The following CAMTA1 variants were observed in gnomAD, a reference collection of about 807,000 sequenced individuals.
CAMTA1 encodes calmodulin-binding transcription activator 1.
A neutral mutation model predicts 170.9 loss-of-function variants in CAMTA1; 27 were observed. That is an observed-to-expected ratio of 0.16 (90% CI 0.12 to 0.22). CAMTA1 has a LOEUF of 0.22. CAMTA1 is among the 10% of genes least tolerant of loss of function. CAMTA1 has a pLI of 1.00. For missense variants in CAMTA1, 1,619 were observed against 2,217.2 expected (o/e 0.73, Z 5.42); for synonymous variants, 833 against 891.5 (o/e 0.93, Z 1.17).
chr1:7,415,358 G>T (rs1211994497), intron 5 of CAMTA1, among the ~76,000 whole-genome samples: 1 of 151,526 alleles, frequency 6.6e-6, no homozygotes, highest in Non-Finnish European at 1.5e-5. Context: ...TGACAGTGGG[G>T]TGTTAAATTC....
At chr1:7,441,813 C>G (rs2092547303) in intron 5 of CAMTA1, among the ~76,000 whole-genome samples, 1 of 152,180 alleles carries the variant, frequency 6.6e-6, no homozygotes, top group African/African-American at 2.4e-5. Flanking sequence ...CAAATCCCAT[C>G]CCCATCCCGA....
At chr1:7,548,195 G>A (rs970339225) in intron 6 of CAMTA1, among the ~76,000 whole-genome samples, 29 of 152,222 alleles carry the variant, frequency 1.9e-4, no homozygotes, top group African/African-American at 6.3e-4. Context: ...GGGTACTGAG[G>A]AAGCACAGTT....
At chr1:7,276,304 T>TATATAA (rs1553299266) in intron 5 of CAMTA1, among the ~76,000 whole-genome samples, 1 of 14,954 alleles carries the variant, frequency 6.7e-5, no homozygotes, top group African/African-American at 3.3e-4. Context: ...TATATATATA[T>TATATAA]TTTTTTTTTT....
intron 7 of CAMTA1, among the ~76,000 whole-genome samples, chr1:7,655,247 C>CA (rs2095885114): frequency 6.7e-6 from 1 of 148,224 alleles, no homozygotes; most frequent in African/African-American, 2.5e-5. Context: ...TATACACACA[C>CA]ACCTATACAC....
chr1:7,556,089 A>G lies in CAMTA1; in HGVS notation c.511-84311A>G, dbSNP rs186659953. On this transcript the variant is annotated intron_variant, in intron 6 of 22. Transcript: ENST00000303635. The stretch of plus-strand genomic sequence containing the variant: ...CGGGGGCAATGTGGGCAGAGCCTCT[A>G]TTGTGGTTTTTGCAGGAAGGAACAA... Among the ~76,000 whole-genome samples, 89 of 152,268 alleles carry G rather than the reference A, an allele frequency of 5.8e-4. 1 individual carries two copies. The highest frequency in any genetic ancestry group is 9.6e-4 in the Non-Finnish European group (65 of 68,014).
chr1:7,175,621 G>C (rs995768076), intron 4 of CAMTA1, among the ~76,000 whole-genome samples: 1 of 152,264 alleles, frequency 6.6e-6, no homozygotes, highest in Admixed American at 6.5e-5. Context: ...CAACTGCACT[G>C]TTAAACCCCA....
rs898565065 is a variant in CAMTA1 at position 7,403,285 on chromosome 1, C to G, written c.439-64545C>G. On this transcript the variant is annotated intron_variant, in intron 5 of 22. Transcript: ENST00000303635. The stretch of plus-strand genomic sequence containing the variant: ...AGGAGAATCGCTTGAACCCAGGAGG[C>G]GGAGGTTGAACCAGGATCGTACCAC... 2.0e-5 allele frequency among the ~76,000 whole-genome samples: 3 copies of G among 152,112 alleles called. No individual in the cohort carries two copies. In the East Asian group the frequency reaches 5.8e-4, roughly 29 times the overall value.
intron 6 of CAMTA1, among the ~76,000 whole-genome samples, chr1:7,499,621 AGT>A (rs2093939304): frequency 1.0e-5 from 1 of 98,794 alleles, no homozygotes; most frequent in African/African-American, 4.6e-5. Context: ...TGTGTGCATG[AGT>A]GAGTGTGAGC....
At chr1:6,984,213 T>A in intron 3 of CAMTA1, among the ~76,000 whole-genome samples, 1 of 123,824 alleles carries the variant, frequency 8.1e-6, no homozygotes, top group Non-Finnish European at 1.7e-5. Context: ...GGTTGATGGG[T>A]GGGTGGAAGG....
intron 5 of CAMTA1, among the ~76,000 whole-genome samples, chr1:7,395,074 G>C (rs1299446919): frequency 2.0e-5 from 3 of 152,022 alleles, no homozygotes; most frequent in Admixed American, 6.6e-5. Context: ...GTAGAGAAGG[G>C]GTTTCACCAT....
In CAMTA1 at chr1:7,234,131, C is replaced by G. The variant is rs1197444366; in HGVS notation, c.303-15360C>G. The stretch of plus-strand genomic sequence containing the variant: ...TCTTACAGTAAAATCCACCCTGGTT[C>G]AGGAGCCCAGATTACTTGGGGTGAG... On this transcript the variant is annotated intron_variant, in intron 4 of 22. Transcript: ENST00000303635. The surrounding 1 kb of genome is among the most constrained non-coding windows in gnomAD (Gnocchi z 5.0). Among the ~76,000 whole-genome samples the G allele has an allele frequency of 6.6e-6, 1 of 152,174 alleles. No homozygotes were observed. The highest frequency in any genetic ancestry group is 1.5e-5 in the Non-Finnish European group (1 of 68,030).
intron 3 of CAMTA1, among the ~76,000 whole-genome samples, chr1:7,015,471 C>G (rs995291503): frequency 6.6e-6 from 1 of 152,184 alleles, no homozygotes; most frequent in Non-Finnish European, 1.5e-5. Context: ...GCCTGCCCAG[C>G]CTGCCTCTCC....
At chr1:6,807,640 A>C (rs1306109378) in intron 1 of CAMTA1, among the ~76,000 whole-genome samples, 1 of 151,858 alleles carries the variant, frequency 6.6e-6, no homozygotes. Context: ...GAATCGCTTG[A>C]ATCCAGGAGG....
chr1:7,280,693 T>C (rs941877553), intron 5 of CAMTA1, among the ~76,000 whole-genome samples: 1 of 152,224 alleles, frequency 6.6e-6, no homozygotes, highest in Non-Finnish European at 1.5e-5. Context: ...CCGCCAGTGG[T>C]GGGATTGTAA....
chr1:7,484,826 G>A (rs536531831), intron 6 of CAMTA1, among the ~76,000 whole-genome samples: 93 of 152,110 alleles, frequency 6.1e-4, no homozygotes, highest in African/African-American at 1.5e-3. Flanking sequence ...CATGACCGTT[G>A]TGTTGTTACA....
intron 3 of CAMTA1, among the ~76,000 whole-genome samples, chr1:7,016,986 CT>C (rs753326642): frequency 6.6e-6 from 1 of 152,214 alleles, no homozygotes; most frequent in Non-Finnish European, 1.5e-5. Context: ...CTTTCTGTCT[CT>C]TTTTCTGGTA....
intron 6 of CAMTA1, among the ~76,000 whole-genome samples, chr1:7,578,899 T>A (rs2095229714): frequency 6.6e-6 from 1 of 152,172 alleles, no homozygotes; most frequent in South Asian, 2.1e-4. Context: ...GGAATTAAAT[T>A]TCTAACACAT....
Position 6,887,128 on chromosome 1 carries a change from T to C in CAMTA1, c.234+61918T>C, listed in dbSNP as rs555456608. On this transcript the variant is annotated intron_variant, in intron 3 of 22. Coordinates refer to ENST00000303635, the MANE Select transcript of CAMTA1 (RefSeq NM_015215.4). This position sits in a 1 kb window ranked among gnomAD's most constrained non-coding sequence, Gnocchi z 4.1. ...TGTTGTATCAATATGTACTTAGATA[T>C]GTTAATCTGAATTAGGGAGTTGATT... 1.3e-5 allele frequency among the ~76,000 whole-genome samples: 2 copies of C among 152,300 alleles called. No individual in the cohort carries two copies. Among genetic ancestry groups the C allele is most frequent in the African/African-American group, 2.4e-5 (1 of 41,574 alleles).
chr1:7,654,810 C>T (rs111214178), intron 7 of CAMTA1, among the ~76,000 whole-genome samples: 3 of 30,324 alleles, frequency 9.9e-5, no homozygotes, highest in South Asian at 1.7e-3. Flanking sequence ...CACACACCCA[C>T]ACACACCACA....
Sources: gnomAD v4.1 joint callset for allele counts (sites outside exome capture counted in the v4.1 genomes callset) on GRCh38, gnomAD v4.1.1 for gene constraint, Gnocchi (gnomAD v3.1) non-coding constraint, MANE v1.5 for transcripts, NCBI Gene and HGNC (gene_info 2026-07-23, HGNC 2026-07-21) for gene names.